The following PPP2R3A variants were observed in gnomAD, a reference collection of about 807,000 sequenced individuals.
PPP2R3A encodes the protein protein phosphatase 2 regulatory subunit B''alpha.
Under a neutral mutation model 106.9 loss-of-function variants are expected in PPP2R3A, and 80 were observed. The observed-to-expected ratio is 0.75, with a 90% CI of 0.62 to 0.90. The LOEUF (loss-of-function observed/expected upper bound fraction) is 0.90. PPP2R3A is among the 40% of genes least tolerant of loss of function. PPP2R3A has a pLI of 0.00. For missense variants in PPP2R3A, 1,386 were observed against 1,350.4 expected (o/e 1.03, Z -0.41); for synonymous variants, 483 against 468.3 (o/e 1.03, Z -0.41).
chr3:136,042,970 A>G (rs1935336682), intron 4 of PPP2R3A, among the ~76,000 whole-genome samples: 1 of 148,090 alleles, frequency 6.8e-6, no homozygotes, highest in African/African-American at 2.5e-5. Flanking sequence ...TAGTTTTGTA[A>G]TTTTTTTTTT....
At chr3:136,104,082 C>T (rs34864445) in intron 12 of PPP2R3A, among the ~76,000 whole-genome samples, 29,794 of 152,092 alleles carry the variant, frequency 0.2, 3,416 homozygotes, top group Non-Finnish European at 0.27. Context: ...GAAGCTTTTG[C>T]ATTCTTTTTT....
chr3:136,077,223 G>T (rs1936626940), intron 6 of PPP2R3A, among the ~76,000 whole-genome samples: 2 of 152,120 alleles, frequency 1.3e-5, no homozygotes, highest in South Asian at 4.1e-4. Flanking sequence ...GGTAGTGAGC[G>T]CTGGACAGCT....
rs546769995 is a variant in PPP2R3A at position 136,128,910 on chromosome 3, G to C, written c.3330-16133G>C. ...CATGGAAACTAAACAACCTGCTCCT[G>C]AATGACTACTGGGTACATAACGAAA... On this transcript the variant is annotated intron_variant, in intron 13 of 13. Coordinates refer to ENST00000264977, the MANE Select transcript of PPP2R3A (RefSeq NM_002718.5). 2.6e-5 allele frequency among the ~76,000 whole-genome samples: 4 copies of C among 152,284 alleles called. No individual in the cohort carries two copies. The East Asian group carries it at 7.7e-4, about 29-fold the overall frequency.
intron 5 of PPP2R3A, among the ~76,000 whole-genome samples, chr3:136,064,274 G>C (rs1936186326): frequency 8.4e-6 from 1 of 118,360 alleles, no homozygotes; most frequent in Admixed American, 9.8e-5. Flanking sequence ...TTGTGGGGTG[G>C]GGGGAGGGGG....
chr3:136,001,927 A>G lies in PPP2R3A; in HGVS notation c.429A>G (p.Gly143=). The change falls in exon 2 of 14, where the codon GGA becomes GGG. Residue 143 remains glycine (G), a synonymous_variant. Coordinates refer to ENST00000264977, the MANE Select transcript of PPP2R3A (RefSeq NM_002718.5). ...CTAACCATGCAGCTTACAGAAAGGG[A>G]AGGAAAGTTAAGTCTGACTCATTTA... ...KNSNHAAYRK[G]RKVKSDSFNR... The G allele has an allele frequency of 4.3e-6, 7 of 1,614,176 alleles. No homozygotes were observed. The highest frequency in any genetic ancestry group is 5.9e-6 in the Non-Finnish European group (7 of 1,180,024).
chr3:136,080,894 C>G (rs1347295121), intron 7 of PPP2R3A, among the ~76,000 whole-genome samples: 1 of 152,084 alleles, frequency 6.6e-6, no homozygotes, highest in South Asian at 2.1e-4. Context: ...TGCCAGAGCA[C>G]TTTGGTTTTC....
chr3:136,081,494 A>G (rs1422545135), intron 7 of PPP2R3A, among the ~76,000 whole-genome samples: 1 of 152,142 alleles, frequency 6.6e-6, no homozygotes, highest in Non-Finnish European at 1.5e-5. Flanking sequence ...AGGGAGATGT[A>G]TCACTTATCT....
intron 13 of PPP2R3A, among the ~76,000 whole-genome samples, chr3:136,136,796 C>T (rs1470416306): frequency 6.6e-6 from 1 of 152,214 alleles, no homozygotes; most frequent in Admixed American, 6.5e-5. Context: ...TAACAACAAT[C>T]ACAGGTAGCC....
chr3:136,128,754 C>A (rs989772545), intron 13 of PPP2R3A, among the ~76,000 whole-genome samples: 1 of 152,010 alleles, frequency 6.6e-6, no homozygotes, highest in African/African-American at 2.4e-5. Flanking sequence ...CCAAAATTGA[C>A]CACATAGTTG....
intron 12 of PPP2R3A, among the ~76,000 whole-genome samples, chr3:136,104,293 T>G (rs1469365824): frequency 7.9e-6 from 1 of 126,964 alleles, no homozygotes; most frequent in Non-Finnish European, 1.7e-5. Flanking sequence ...TATTTGTTTC[T>G]TTCTTTGTGT....
At position 136,120,042 on chromosome 3, in the gene PPP2R3A, A is replaced by T. The variant is rs192276519; in HGVS notation, c.3329+13720A>T. Among the ~76,000 whole-genome samples, 4 of 151,640 alleles carry T rather than the reference A, an allele frequency of 2.6e-5. No homozygotes were observed. In the East Asian group the frequency reaches 7.8e-4, roughly 30 times the overall value. On this transcript the variant is annotated intron_variant, in intron 13 of 13. Coordinates refer to ENST00000264977, the MANE Select transcript of PPP2R3A (RefSeq NM_002718.5). ...TGCAGCCATAAAAAAGGATGAGTTC[A>T]CGTCCTTTGCAGGGACATGGATGAA...
rs566982948 is a variant in PPP2R3A at position 136,112,717 on chromosome 3, G to C, written c.3329+6395G>C. ...AATGACCATGCTGCCCATTGTGCTC[G>C]TGGACAGGAAGAATCAATATTGTTA... is the stretch of plus-strand genomic sequence containing the variant. On this transcript the variant is annotated intron_variant, in intron 13 of 13. Coordinates refer to ENST00000264977, the MANE Select transcript of PPP2R3A (RefSeq NM_002718.5). Among the ~76,000 whole-genome samples, 5 of 152,270 alleles carry C rather than the reference G, an allele frequency of 3.3e-5. No individual in the cohort carries two copies. In the East Asian group the frequency reaches 9.6e-4, roughly 29 times the overall value.
chr3:136,006,901 A>G lies in PPP2R3A; in HGVS notation c.1995+3408A>G, dbSNP rs146726190. ...TCCTTCCTAGAGAATATAAAGGGAA[A>G]TTGCAGACTGCTCTGCTTATATTAT... On this transcript the variant is annotated intron_variant, in intron 2 of 13. Transcript: ENST00000264977. Among the ~76,000 whole-genome samples the G allele has an allele frequency of 4.2e-3, 638 of 152,366 alleles. 7 individuals carry two copies. Among genetic ancestry groups the G allele is most frequent in the African/African-American group, 0.014 (584 of 41,578 alleles).
At chr3:136,045,667 A>T (rs1935446524) in intron 4 of PPP2R3A, among the ~76,000 whole-genome samples, 1 of 152,176 alleles carries the variant, frequency 6.6e-6, no homozygotes, top group Admixed American at 6.5e-5. Context: ...TGTGGGCACC[A>T]CACCAGCTGC....
chr3:136,106,281 G>A lies in PPP2R3A; in HGVS notation c.3288G>A (p.Thr1096=), dbSNP rs779583751. 25 of 1,613,674 alleles carry A rather than the reference G, an allele frequency of 1.5e-5. No individual in the cohort carries two copies. Among genetic ancestry groups the A allele is most frequent in the East Asian group, 2.2e-5 (1 of 44,868 alleles). Residue 1096 remains threonine, a synonymous_variant, in exon 13 of 14, where the codon ACG becomes ACA. Coordinates refer to ENST00000264977, the MANE Select transcript of PPP2R3A (RefSeq NM_002718.5). ...WDRFAAEEYE[T]LVAEESAQAQ... is the part of the protein sequence containing the mutation. ...GGTTTGCCGCTGAGGAGTATGAGAC[G>A]CTTGTTGCAGAGGAATCTGCCCAAG...
At chr3:136,140,442 T>TTAAAAAAAAAA (rs1938811305) in intron 13 of PPP2R3A, among the ~76,000 whole-genome samples, 1 of 87,236 alleles carries the variant, frequency 1.1e-5, no homozygotes, top group African/African-American at 4.8e-5. Context: ...TGAGACTCTT[T>TTAAAAAAAAAA]AAAAAAAAAA....
intron 5 of PPP2R3A, among the ~76,000 whole-genome samples, chr3:136,067,275 A>G (rs1936288133): frequency 6.6e-6 from 1 of 152,244 alleles, no homozygotes; most frequent in Non-Finnish European, 1.5e-5. Context: ...AGAAGGACTA[A>G]CAGGGACTGG....
intron 3 of PPP2R3A, among the ~76,000 whole-genome samples, chr3:136,027,500 G>A (rs1934712640): frequency 6.6e-6 from 1 of 152,054 alleles, no homozygotes; most frequent in Non-Finnish European, 1.5e-5. Context: ...TCTCAATACA[G>A]TCATTTTACC....
intron 1 of PPP2R3A, among the ~76,000 whole-genome samples, chr3:135,980,943 C>T (rs1328829590): frequency 1.3e-5 from 2 of 151,900 alleles, no homozygotes; most frequent in African/African-American, 4.9e-5. Flanking sequence ...TACTGAATGA[C>T]AGTGGTAACA....
Sources: allele counts gnomAD v4.1 joint callset (sites outside exome capture counted in the v4.1 genomes callset), GRCh38; gene constraint gnomAD v4.1.1; transcripts MANE v1.5; gene names NCBI Gene and HGNC (gene_info 2026-07-23, HGNC 2026-07-21).